The following FXR1 variants were observed in gnomAD, a reference collection of about 807,000 sequenced individuals.
FXR1 encodes RNA-binding protein FXR1.
Under a neutral mutation model 84.0 loss-of-function variants are expected in FXR1, and 15 were observed. The ratio of observed to expected loss-of-function variants is 0.18; its 90% CI spans 0.12 to 0.27. The LOEUF is 0.27. Among genes scored for constraint, FXR1 ranks in the 10% least tolerant of loss-of-function variants. FXR1 has a pLI of 1.00. For synonymous variants in FXR1, 245 were observed against 250.7 expected (o/e 0.98, Z 0.21); for missense variants, 480 against 774.4 (o/e 0.62, Z 4.51).
chr3:180,968,300 T>A (rs1560021435), intron 14 of FXR1, 46 bp downstream of exon 14: 4 of 1,334,928 alleles, frequency 3.0e-6, no homozygotes, highest in Non-Finnish European at 2.1e-6. Context: ...TGTAAACAGT[T>A]TAATTTTACA....
Position 180,981,133 on chromosome 3 carries a change from T to C in FXR1, c.*4841T>C, listed in dbSNP as rs886938969. 11 of 151,960 alleles carry C rather than the reference T, an allele frequency of 7.2e-5. No individual in the cohort carries two copies. The highest frequency in any genetic ancestry group is 2.1e-4 in the South Asian group (1 of 4,834). The allele number at this position is 151,960 out of a possible 1,614,324, so 9.4% of individuals were successfully genotyped here. ...TCACTGTCAACAGAAAGATGCCTTATAGAATTTCTCATGATTGAAACAGAA... is the reference window on the plus strand; with the variant it reads ...TCACTGTCAACAGAAAGATGCCTTACAGAATTTCTCATGATTGAAACAGAA... On this transcript the variant is annotated 3_prime_UTR_variant, in exon 17 of 17. Transcript: ENST00000357559.
At chr3:180,961,702 C>T (rs1712140872) in intron 11 of FXR1, 148 bp downstream of exon 11, 1 of 490,542 alleles carries the variant, frequency 2.0e-6, no homozygotes. Context: ...TTTGTTAATT[C>T]AGCTTCAGAT....
At position 180,978,440 on chromosome 3, in the gene FXR1, G is replaced by A. The variant is rs1714428374; in HGVS notation, c.*2148G>A. The A allele has an allele frequency of 6.6e-6, 1 of 152,018 alleles. No individual in the cohort carries two copies. The highest frequency in any genetic ancestry group is 1.5e-5 in the Non-Finnish European group (1 of 67,962). 9.4% of individuals were successfully genotyped at this position (152,018 alleles called of 1,614,324 possible). Reference sequence around the variant, plus strand: ...ATAAATACGCATTTGTTTTTTTAGAGAGCCCCACTCCCCAAAGGGTAGCCA... The same window carrying A: ...ATAAATACGCATTTGTTTTTTTAGAAAGCCCCACTCCCCAAAGGGTAGCCA... On this transcript the variant is annotated 3_prime_UTR_variant, in exon 17 of 17. Transcript: ENST00000357559.
rs1714630183 is a variant in FXR1, at chr3:180,981,963, A to G, written c.*5671A>G. On this transcript the variant is annotated 3_prime_UTR_variant, in exon 17 of 17. Transcript: ENST00000357559. ...AATATATCTGGAAGCACCAATGAGTAAAGACAAAGGCCCCAAGCTAGATCT... is the reference window on the plus strand; with the variant it reads ...AATATATCTGGAAGCACCAATGAGTGAAGACAAAGGCCCCAAGCTAGATCT... 1.3e-5 allele frequency: 2 copies of G among 152,024 alleles called. No individual in the cohort carries two copies. The highest frequency in any genetic ancestry group is 4.1e-4 in the South Asian group (2 of 4,826). 9.4% of individuals were successfully genotyped at this position (152,024 alleles called of 1,614,324 possible).
intron 1 of FXR1, among the ~76,000 whole-genome samples, chr3:180,930,854 G>A (rs1322940146): frequency 6.6e-6 from 1 of 151,834 alleles, no homozygotes; most frequent in Non-Finnish European, 1.5e-5. Context: ...GGCCCACATG[G>A]CAAAACTCTG....
chr3:180,949,211 G>A lies in FXR1; in HGVS notation c.514-16G>A, dbSNP rs746669571. The A allele has an allele frequency of 7.9e-7, 1 of 1,258,096 alleles. No individual in the cohort carries two copies. The highest frequency in any genetic ancestry group is 1.2e-6 in the Non-Finnish European group (1 of 854,798). 77.9% of individuals were successfully genotyped at this position (1,258,096 alleles called of 1,614,324 possible). ...GAATGATTAAAGTTTTGAGTAATTA[G>A]CTTGTTTGTTTATAGTCTGCCAGTG... On this transcript the variant is annotated splice_polypyrimidine_tract_variant and intron_variant, in intron 6 of 16. Transcript: ENST00000357559.
Position 180,947,923 on chromosome 3 carries a change from T to C in FXR1, c.257T>C (p.Met86Thr). 1 of 1,600,850 alleles carries C rather than the reference T, an allele frequency of 6.2e-7. No individual in the cohort carries two copies. Among genetic ancestry groups the C allele is most frequent in the Middle Eastern group, 1.7e-4 (1 of 6,022 alleles). ...PCGWWLAKVR[M>T]MKGEFYVIEY... ...GGGTGGTGGTTGGCTAAAGTTCGGA[T>C]GATGAAAGGAGAAGTAAGTACTCTT... The change falls in exon 4 of 17, where the codon ATG (methionine) becomes ACG (threonine). Residue 86 changes from methionine to threonine, a missense_variant. Coordinates refer to ENST00000357559, the MANE Select transcript of FXR1 (RefSeq NM_005087.4).
intron 1 of FXR1, among the ~76,000 whole-genome samples, chr3:180,919,931 G>T (rs943097467): frequency 2.6e-5 from 4 of 152,134 alleles, no homozygotes; most frequent in Non-Finnish European, 5.9e-5. Context: ...CTCCCAAAGT[G>T]CTGGGATTAC....
chr3:180,930,440 A>T (rs977406502), intron 1 of FXR1, among the ~76,000 whole-genome samples: 1 of 152,144 alleles, frequency 6.6e-6, no homozygotes, highest in East Asian at 1.9e-4. Context: ...TATAAAGGTG[A>T]GAAAGGAGTG....
intron 9 of FXR1, 197 bp downstream of exon 9, chr3:180,954,037 A>C: frequency 5.8e-6 from 3 of 517,964 alleles, no homozygotes; most frequent in Non-Finnish European, 1.0e-5. Flanking sequence ...TAAAAAGTAA[A>C]GATGTTTCTT....
At chr3:180,925,642 A>C (rs1719085170) in intron 1 of FXR1, among the ~76,000 whole-genome samples, 1 of 152,192 alleles carries the variant, frequency 6.6e-6, no homozygotes, top group Non-Finnish European at 1.5e-5. Context: ...TGTGGCTATC[A>C]GCTATTCCAA....
intron 13 of FXR1, among the ~76,000 whole-genome samples, chr3:180,964,673 T>TTTTATATATATATATA (rs148208441): frequency 1.8e-4 from 25 of 136,356 alleles, no homozygotes; most frequent in African/African-American, 6.7e-4. Flanking sequence ...TGTAGTTGAT[T>TTTTATATATATATATA]TATATATATA....
intron 3 of FXR1, among the ~76,000 whole-genome samples, chr3:180,944,399 C>T (rs1420120675): frequency 6.6e-6 from 1 of 151,758 alleles, no homozygotes; most frequent in Non-Finnish European, 1.5e-5. Context: ...TGGCTCACTG[C>T]AGCCTTGACC....
chr3:180,975,440 TTAA>T, intron 16 of FXR1, 36 bp downstream of exon 16: 1 of 840,526 alleles, frequency 1.2e-6, no homozygotes, highest in Non-Finnish European at 1.9e-6. Context: ...TTTTTTTTTT[TTAA>T]TTTTTGGTAT....
At chr3:180,928,923 TTTTG>T (rs1216759930) in intron 1 of FXR1, among the ~76,000 whole-genome samples, 1 of 147,702 alleles carries the variant, frequency 6.8e-6, no homozygotes, top group Non-Finnish European at 1.5e-5. Context: ...TTATGGCATT[TTTTG>T]TTTGTTTTTT....
In FXR1 at chr3:180,979,410, A is replaced by C. The variant is rs3026207; in HGVS notation, c.*3118A>C. 6.6e-6 allele frequency: 1 copy of C among 152,082 alleles called. No homozygotes were observed. The highest frequency in any genetic ancestry group is 1.5e-5 in the Non-Finnish European group (1 of 67,960). The allele number at this position is 152,082 out of a possible 1,614,324, so 9.4% of individuals were successfully genotyped here. On this transcript the variant is annotated 3_prime_UTR_variant, in exon 17 of 17. Coordinates refer to ENST00000357559, the MANE Select transcript of FXR1 (RefSeq NM_005087.4). ...TCAAGGAACTTGGATTTGAACTGTG[A>C]ATCTACTGTTTTGGCAAAAAATCTC...
intron 13 of FXR1, among the ~76,000 whole-genome samples, chr3:180,965,285 G>A (rs1453388768): frequency 6.6e-6 from 1 of 151,584 alleles, no homozygotes; most frequent in Non-Finnish European, 1.5e-5. Flanking sequence ...AAAGTGCTGG[G>A]ATTACAGGCG....
chr3:180,967,863 TA>T (rs1321998489), intron 13 of FXR1, among the ~76,000 whole-genome samples, 187 bp from the exon 14 acceptor site: 1 of 152,200 alleles, frequency 6.6e-6, no homozygotes, highest in Non-Finnish European at 1.5e-5. Context: ...ACTATACTAG[TA>T]TATTAATAGT....
intron 1 of FXR1, among the ~76,000 whole-genome samples, chr3:180,931,026 C>CAAAAAGAAAAAAAA (rs1719827046): frequency 1.8e-5 from 1 of 55,642 alleles, no homozygotes; most frequent in African/African-American, 6.0e-5. Flanking sequence ...GAGACTGCCT[C>CAAAAAGAAAAAAAA]AAAAAAAAAA....
Sources: gnomAD v4.1 joint callset for allele counts (sites outside exome capture counted in the v4.1 genomes callset) on GRCh38, gnomAD v4.1.1 for gene constraint, MANE v1.5 for transcripts, NCBI Gene and HGNC (gene_info 2026-07-23, HGNC 2026-07-21) for gene names.